PITPNC1: variants seen among roughly 807,000 people sequenced by gnomAD.
PITPNC1 encodes the protein phosphatidylinositol transfer protein cytoplasmic 1, also known as cytoplasmic phosphatidylinositol transfer protein 1.
In PITPNC1, 18 loss-of-function variants were observed where a neutral mutation model predicts 44.7. The observed-to-expected ratio is 0.40, with a 90% CI of 0.28 to 0.60. The LOEUF is 0.60. Ranked by LOEUF, PITPNC1 falls within the 20% of genes least tolerant of loss-of-function variation. The pLI is 0.39. For missense variants in PITPNC1, 290 were observed against 418.4 expected (o/e 0.69, Z 2.68); for synonymous variants, 141 against 149.6 (o/e 0.94, Z 0.42).
intron 1 of PITPNC1, among the ~76,000 whole-genome samples, chr17:67,427,114 G>C (rs1259330427): frequency 6.6e-6 from 1 of 152,152 alleles, no homozygotes; most frequent in Non-Finnish European, 1.5e-5. Flanking sequence ...AGTTCTCCTG[G>C]TTGTCTGGAA....
intron 6 of PITPNC1, among the ~76,000 whole-genome samples, chr17:67,666,741 G>A (rs1222480843): frequency 1.3e-5 from 2 of 152,144 alleles, no homozygotes; most frequent in African/African-American, 4.8e-5. Context: ...CCCTGGGAGT[G>A]CACTGTGTTT....
chr17:67,545,204 C>T (rs1377074676), intron 2 of PITPNC1, among the ~76,000 whole-genome samples: 1 of 151,904 alleles, frequency 6.6e-6, no homozygotes, highest in Non-Finnish European at 1.5e-5. Flanking sequence ...CCTAGCTACT[C>T]AGGAGGCTGA....
intron 1 of PITPNC1, among the ~76,000 whole-genome samples, chr17:67,406,582 TTA>T (rs1211927259): frequency 7.5e-6 from 1 of 134,018 alleles, no homozygotes; most frequent in Non-Finnish European, 1.6e-5. Flanking sequence ...TATGTATATA[TTA>T]TATATAGTTT....
At chr17:67,451,049 G>A (rs115555174) in intron 1 of PITPNC1, among the ~76,000 whole-genome samples, 1,523 of 151,800 alleles carry the variant, frequency 0.01, 25 homozygotes, top group African/African-American at 0.034. Flanking sequence ...TCCTTTTTTT[G>A]AGACAGAGTT....
At chr17:67,512,016 G>C (rs576837075) in intron 1 of PITPNC1, among the ~76,000 whole-genome samples, 1 of 152,070 alleles carries the variant, frequency 6.6e-6, no homozygotes, top group Admixed American at 6.6e-5. Context: ...CTTGAATTTC[G>C]CATTGCTGTT....
At chr17:67,468,332 G>T (rs1382337819) in intron 1 of PITPNC1, among the ~76,000 whole-genome samples, 1 of 152,088 alleles carries the variant, frequency 6.6e-6, no homozygotes, top group East Asian at 1.9e-4. Context: ...GCAGCATCAG[G>T]GACAGATTTG....
chr17:67,638,385 T>G (rs1390244239), intron 6 of PITPNC1: 1 of 152,228 alleles, frequency 6.6e-6, no homozygotes, highest in Non-Finnish European at 1.5e-5. Flanking sequence ...TACTTTCTCC[T>G]CCATTCACTG....
rs2037895855 is a variant in PITPNC1 at position 67,377,897 on chromosome 17, C to A, written c.-258C>A. ...CGGGTCTCCCTCCCTGCCTCCCTGACTTTGCAACACCGCGTTCCGGGAGGA... is the reference window on the plus strand; with the variant it reads ...CGGGTCTCCCTCCCTGCCTCCCTGAATTTGCAACACCGCGTTCCGGGAGGA... On this transcript the variant is annotated 5_prime_UTR_variant, in exon 1 of 9. Coordinates refer to ENST00000581322, the MANE Select transcript of PITPNC1 (RefSeq NM_012417.4). The A allele has an allele frequency of 2.5e-6, 1 of 399,896 alleles. No individual in the cohort carries two copies. Among genetic ancestry groups the A allele is most frequent in the Admixed American group, 4.7e-5 (1 of 21,496 alleles). The allele number at this position is 399,896 out of a possible 1,614,324, so 24.8% of individuals were successfully genotyped here.
chr17:67,604,776 C>A (rs901199211), intron 5 of PITPNC1, among the ~76,000 whole-genome samples: 1 of 151,658 alleles, frequency 6.6e-6, no homozygotes, highest in African/African-American at 2.4e-5. Flanking sequence ...GAGTGAGACT[C>A]CCTCTCCAAA....
chr17:67,409,154 G>A (rs866050646), intron 1 of PITPNC1, among the ~76,000 whole-genome samples: 20 of 137,730 alleles, frequency 1.5e-4, no homozygotes, highest in African/African-American at 4.3e-4. Flanking sequence ...GCGCAATCTC[G>A]GCTCACTGCA....
chr17:67,468,093 A>AT (rs2039453821), intron 1 of PITPNC1, among the ~76,000 whole-genome samples: 1 of 152,162 alleles, frequency 6.6e-6, no homozygotes, highest in South Asian at 2.1e-4. Context: ...TGAGATAACC[A>AT]TTATAAAAGA....
At chr17:67,397,876 G>C (rs967852683) in intron 1 of PITPNC1, among the ~76,000 whole-genome samples, 8 of 152,122 alleles carry the variant, frequency 5.3e-5, no homozygotes, top group African/African-American at 1.9e-4. Flanking sequence ...GGCCGATCAC[G>C]AGGTCAGGAA....
intron 1 of PITPNC1, among the ~76,000 whole-genome samples, chr17:67,516,902 G>A (rs960217034): frequency 2.0e-5 from 3 of 152,110 alleles, no homozygotes; most frequent in Non-Finnish European, 4.4e-5. Context: ...AAGCCACCAC[G>A]CCCAGCCATG....
At chr17:67,636,281 C>CAAAA (rs4020398) in intron 6 of PITPNC1, among the ~76,000 whole-genome samples, 3 of 77,334 alleles carry the variant, frequency 3.9e-5, no homozygotes, top group Non-Finnish European at 8.2e-5. Context: ...GACTCCGTTT[C>CAAAA]AAAAAAAAAA....
chr17:67,441,445 G>T (rs186409356), intron 1 of PITPNC1, among the ~76,000 whole-genome samples: 1 of 152,270 alleles, frequency 6.6e-6, no homozygotes, highest in East Asian at 1.9e-4. Flanking sequence ...TGTACATATC[G>T]TGTGAGACGG....
intron 2 of PITPNC1, among the ~76,000 whole-genome samples, chr17:67,546,056 G>T (rs1417958440): frequency 6.6e-6 from 1 of 151,886 alleles, no homozygotes; most frequent in Non-Finnish European, 1.5e-5. Context: ...AACCGGGAGT[G>T]GTGTCCCGCG....
intron 2 of PITPNC1, among the ~76,000 whole-genome samples, chr17:67,543,598 A>G (rs1271073015): frequency 6.6e-6 from 1 of 152,006 alleles, no homozygotes; most frequent in Non-Finnish European, 1.5e-5. Flanking sequence ...TTCATTGGCC[A>G]TTTGTATATC....
At chr17:67,443,183 C>G (rs368758091) in intron 1 of PITPNC1, among the ~76,000 whole-genome samples, 1 of 152,196 alleles carries the variant, frequency 6.6e-6, no homozygotes, top group African/African-American at 2.4e-5. Flanking sequence ...TCCCACCTCT[C>G]TTGCCTCATC....
At chr17:67,594,762 G>A (rs1167649087) in intron 5 of PITPNC1, among the ~76,000 whole-genome samples, 1 of 152,184 alleles carries the variant, frequency 6.6e-6, no homozygotes, top group Non-Finnish European at 1.5e-5. Flanking sequence ...CAAACCAGGT[G>A]TCTTTGAATC....
Sources: allele counts gnomAD v4.1 joint callset (sites outside exome capture counted in the v4.1 genomes callset), GRCh38; gene constraint gnomAD v4.1.1; transcripts MANE v1.5; gene names NCBI Gene and HGNC (gene_info 2026-07-23, HGNC 2026-07-21).